POLN: variants seen among roughly 807,000 people sequenced by gnomAD.
POLN encodes the protein DNA polymerase nu, also known as DNA polymerase N.
Under a neutral mutation model 113.5 loss-of-function variants are expected in POLN, and 108 were observed. The ratio of observed to expected loss-of-function variants is 0.95; its 90% confidence interval spans 0.81 to 1.12. The LOEUF is 1.12. POLN is among the 50% of genes most tolerant of loss of function. The pLI, the probability that POLN is intolerant of heterozygous loss-of-function variation, is 0.00. For missense variants in POLN, 1,097 were observed against 1,077.1 expected (o/e 1.02, Z -0.26); for synonymous variants, 386 against 391.5 (o/e 0.99, Z 0.17).
chr4:2,232,196 T>C (rs765529115), intron 2 of POLN: 1 of 952,736 alleles, frequency 1.0e-6, no homozygotes, highest in South Asian at 1.7e-5. Flanking sequence ...ATTAAAACAC[T>C]TTATTCCTAA....
intron 16 of POLN, among the ~76,000 whole-genome samples, chr4:2,141,900 C>T (rs943072875): frequency 5.3e-5 from 8 of 152,216 alleles, no homozygotes; most frequent in Middle Eastern, 6.3e-3. Context: ...TTTCCACCCA[C>T]GCTCTGAGTT....
chr4:2,161,460 C>T (rs1732587092), intron 13 of POLN, among the ~76,000 whole-genome samples: 2 of 152,242 alleles, frequency 1.3e-5, no homozygotes, highest in South Asian at 2.1e-4. Flanking sequence ...GTCAGCCCAC[C>T]GGCGCTGCGC....
At chr4:2,095,641 C>T (rs1002907630) in intron 20 of POLN, among the ~76,000 whole-genome samples, 4 of 152,320 alleles carry the variant, frequency 2.6e-5, no homozygotes, top group South Asian at 2.1e-4. Context: ...CCCAGCTCCG[C>T]GGCCTCCCCT....
rs141650254 is a variant in POLN at position 2,144,867 on chromosome 4, G to A, written c.1731+11921C>T. On this transcript the variant is annotated intron_variant, in intron 16 of 25. Transcript: ENST00000511885. ...GGAAGGCAATCCCTAGCAACGGAAC[G>A]ATGACCACGTTAGGTAGTCGACACT... Among the ~76,000 whole-genome samples the A allele has an allele frequency of 8.9e-4, 135 of 152,294 alleles. 1 individual carries two copies. The highest frequency in any genetic ancestry group is 2.5e-3 in the African/African-American group (103 of 41,574).
intron 13 of POLN, among the ~76,000 whole-genome samples, chr4:2,167,858 C>T (rs1732766751): frequency 6.6e-6 from 1 of 152,086 alleles, no homozygotes; most frequent in Non-Finnish European, 1.5e-5. Flanking sequence ...GAGATTACAT[C>T]ACTGCACTCC....
intron 10 of POLN, among the ~76,000 whole-genome samples, chr4:2,174,334 G>A (rs569432508): frequency 3.9e-5 from 6 of 152,362 alleles, no homozygotes; most frequent in African/African-American, 1.2e-4. Flanking sequence ...GGCAAAGGCA[G>A]AAGAGAGCCC....
rs1577773600 is a variant in POLN at position 2,209,384 on chromosome 4, G to C, written c.214-897C>G. On this transcript the variant is annotated intron_variant, in intron 4 of 25. Coordinates refer to ENST00000511885, the MANE Select transcript of POLN (RefSeq NM_181808.4). The stretch of plus-strand genomic sequence containing the variant: ...AATCCCAGCTACTCAGGAGGCTGAG[G>C]CAGAGAATCGCTTGAACCTGGAAGG... 2.0e-5 allele frequency among the ~76,000 whole-genome samples: 3 copies of C among 151,254 alleles called. No homozygotes were observed. The East Asian group carries it at 6.0e-4, about 30-fold the overall frequency.
At chr4:2,096,244 C>A (rs1212911665) in intron 19 of POLN, among the ~76,000 whole-genome samples, 1 of 152,186 alleles carries the variant, frequency 6.6e-6, no homozygotes, top group Non-Finnish European at 1.5e-5. Context: ...CAGGAAAGGC[C>A]GTTCCCCATA....
chr4:2,172,642 C>T (rs146834021), intron 11 of POLN, among the ~76,000 whole-genome samples: 129 of 152,258 alleles, frequency 8.5e-4, no homozygotes, highest in African/African-American at 3.1e-3. Flanking sequence ...TCATTATAGC[C>T]TCACCAAAAT....
At chr4:2,078,987 T>A in intron 23 of POLN, 1 of 931,538 alleles carries the variant, frequency 1.1e-6, no homozygotes, top group Non-Finnish European at 1.3e-6. Context: ...TGGAGTGCAG[T>A]GGTATGATCA....
chr4:2,153,275 C>A (rs1469259872), intron 16 of POLN, among the ~76,000 whole-genome samples: 1 of 152,164 alleles, frequency 6.6e-6, no homozygotes, highest in Non-Finnish European at 1.5e-5. Flanking sequence ...TATGAGATTG[C>A]ATAATAAGTC....
rs1730716009 is a variant in POLN, at chr4:2,093,606, T to G, written c.2065+2245A>C. On this transcript the variant is annotated intron_variant, in intron 20 of 25. Coordinates refer to ENST00000511885, the MANE Select transcript of POLN (RefSeq NM_181808.4). This position sits in a 1 kb window ranked among gnomAD's most constrained non-coding sequence, Gnocchi z 4.1. ...CAAATGTTATGTTTGCAACACAAGA[T>G]GCAGCAGGATGCAAGGCAACAAACT... Among the ~76,000 whole-genome samples the G allele has an allele frequency of 2.0e-5, 3 of 152,124 alleles. No individual in the cohort carries two copies. The highest frequency in any genetic ancestry group is 2.0e-4 in the Admixed American group (3 of 15,282).
At chr4:2,241,480 T>G in intron 2 of POLN, 40 bp downstream of exon 2, 1 of 985,168 alleles carries the variant, frequency 1.0e-6, no homozygotes, top group Non-Finnish European at 1.2e-6. Flanking sequence ...AAGACGCAAA[T>G]AAGCATGGCA....
chr4:2,205,932 C>T (rs1451138180), intron 5 of POLN, among the ~76,000 whole-genome samples: 1 of 150,972 alleles, frequency 6.6e-6, no homozygotes, highest in Non-Finnish European at 1.5e-5. Flanking sequence ...CAAAAAAGCC[C>T]ACATAGCCAA....
chr4:2,106,645 TGA>T (rs1252775384), intron 19 of POLN, among the ~76,000 whole-genome samples: 8 of 152,204 alleles, frequency 5.3e-5, no homozygotes, highest in Non-Finnish European at 7.3e-5. Context: ...ACAGATCCTT[TGA>T]GAGAGTTTTT....
At chr4:2,157,009 G>A (rs1732451524) in intron 15 of POLN, among the ~76,000 whole-genome samples, 156 bp from the exon 16 acceptor site, 1 of 152,210 alleles carries the variant, frequency 6.6e-6, no homozygotes, top group Non-Finnish European at 1.5e-5. Flanking sequence ...TGTCCTTGGG[G>A]TTACAAAACT....
chr4:2,098,910 G>A (rs1019965671), intron 19 of POLN, among the ~76,000 whole-genome samples: 26 of 79,728 alleles, frequency 3.3e-4, no homozygotes, highest in African/African-American at 9.8e-4. Context: ...GCACATGCAC[G>A]TGCGTGCGCA....
At chr4:2,091,184 T>C (rs1730653985) in intron 20 of POLN, among the ~76,000 whole-genome samples, 1 of 152,224 alleles carries the variant, frequency 6.6e-6, no homozygotes, top group African/African-American at 2.4e-5. Context: ...TTATAGTTGA[T>C]CCCTGTGTGA....
At chr4:2,195,808 T>C (rs989167615) in intron 6 of POLN, among the ~76,000 whole-genome samples, 2 of 152,144 alleles carry the variant, frequency 1.3e-5, no homozygotes, top group Admixed American at 6.5e-5. Context: ...AAAAGCCTAG[T>C]TGGTAGAGGA....
Sources: gnomAD v4.1 joint callset for allele counts (sites outside exome capture counted in the v4.1 genomes callset) on GRCh38, gnomAD v4.1.1 for gene constraint, Gnocchi (gnomAD v3.1) non-coding constraint, MANE v1.5 for transcripts, NCBI Gene and HGNC (gene_info 2026-07-23, HGNC 2026-07-21) for gene names.